CLK4: variants seen among roughly 807,000 people sequenced by gnomAD.
The protein encoded by CLK4 is CDC like kinase 4.
Under a neutral mutation model 64.4 loss-of-function variants are expected in CLK4, and 37 were observed. The ratio of observed to expected loss-of-function variants is 0.57; its 90% CI spans 0.44 to 0.76. The LOEUF (loss-of-function observed/expected upper bound fraction) is 0.76, where lower values mean the gene tolerates loss of function less well. Ranked by LOEUF, CLK4 falls within the 30% of genes least tolerant of loss-of-function variation. CLK4 has a pLI of 0.00. For synonymous variants in CLK4, 175 were observed against 191.6 expected (o/e 0.91, Z 0.72); for missense variants, 457 against 605.1 (o/e 0.76, Z 2.57).
chr5:178,626,651 TC>T (rs976572842), intron 1 of CLK4, among the ~76,000 whole-genome samples: 63 of 152,064 alleles, frequency 4.1e-4, no homozygotes, highest in African/African-American at 1.4e-3. Flanking sequence ...CTGGAAGAGG[TC>T]CCGACAGGGT....
intron 7 of CLK4, 106 bp from the exon 8 acceptor site, chr5:178,612,996 C>A: frequency 1.9e-6 from 1 of 531,826 alleles, no homozygotes; most frequent in Non-Finnish European, 3.4e-6. Context: ...GACGATTCAT[C>A]TTTACTTGTA....
At chr5:178,618,377 T>G (rs565393698) in intron 3 of CLK4, 179 bp downstream of exon 3, 1 of 234,392 alleles carries the variant, frequency 4.3e-6, no homozygotes, top group South Asian at 1.7e-4. Context: ...CTAATAAATA[T>G]ACAGATCAGC....
chr5:178,608,282 T>C, intron 10 of CLK4, 94 bp downstream of exon 10: 1 of 830,934 alleles, frequency 1.2e-6, no homozygotes. Context: ...TAATGATGTA[T>C]GGCAATTTTC....
intron 9 of CLK4, among the ~76,000 whole-genome samples, chr5:178,610,793 CG>C (rs1056789387): frequency 6.6e-6 from 1 of 151,458 alleles, no homozygotes; most frequent in African/African-American, 2.4e-5. Flanking sequence ...AATCCTTGGC[CG>C]GGCGCGGTGG....
At position 178,611,853 on chromosome 5, in the gene CLK4, GATTT is replaced by G. The variant is rs1764562279; in HGVS notation, c.1051+559_1051+562del. ...TCCCAAGCCAATCTCTGACTTCCCT[GATTT>G]ATTAACACACCTGATCTATAACTTT... On this transcript the variant is annotated intron_variant, in intron 9 of 12. Transcript: ENST00000316308. Among the ~76,000 whole-genome samples, 3 of 152,126 alleles carry G rather than the reference GATTT, an allele frequency of 2.0e-5. No homozygotes were observed. The South Asian group carries it at 6.2e-4, about 31-fold the overall frequency.
At chr5:178,626,093 T>C (rs1189335518) in intron 1 of CLK4, among the ~76,000 whole-genome samples, 2 of 152,224 alleles carry the variant, frequency 1.3e-5, no homozygotes, top group African/African-American at 4.8e-5. Context: ...CGTACATGGC[T>C]TAAAAACATC....
Position 178,605,318 on chromosome 5 carries a change from A to C in CLK4, c.1199T>G (p.Met400Arg). The change falls in exon 11 of 13, where the codon ATG (methionine) becomes AGG (arginine). Residue 400 changes from methionine (M) to arginine (R), a missense_variant. Met to Arg is a moderately conservative substitution (Grantham distance 91). Coordinates refer to ENST00000316308, the MANE Select transcript of CLK4 (RefSeq NM_020666.3). ...TAAAACATACCTTGTTTTCTGAATC[A>C]TGTGTTGTGGTATGGGTCCTAATAT... Reference protein sequence around the residue: ...ERILGPIPQHMIQKTRKRKYF... With the variant: ...ERILGPIPQHRIQKTRKRKYF... 1 of 1,584,350 alleles carries C rather than the reference A, an allele frequency of 6.3e-7. No homozygotes were observed. Among genetic ancestry groups the C allele is most frequent in the South Asian group, 1.2e-5 (1 of 85,956 alleles).
intron 9 of CLK4, among the ~76,000 whole-genome samples, chr5:178,611,514 T>C (rs1200774943): frequency 2.0e-5 from 3 of 152,226 alleles, no homozygotes; most frequent in East Asian, 1.9e-4. Flanking sequence ...GGCTACCATA[T>C]GGGACAGTGC....
At position 178,605,317 on chromosome 5, in the gene CLK4, CAT is replaced by C; in HGVS notation, c.1198_1199del (p.Met400AspfsTer13). 1 of 1,583,230 alleles carries C rather than the reference CAT, an allele frequency of 6.3e-7. No homozygotes were observed. The highest frequency in any genetic ancestry group is 1.2e-5 in the South Asian group (1 of 85,802). ...ERILGPIPQH[M>X]IQKTRKRKYF... ...TTAAAACATACCTTGTTTTCTGAAT[CAT>C]GTGTTGTGGTATGGGTCCTAATATT... On this transcript the variant is annotated frameshift_variant, in exon 11 of 13. Transcript: ENST00000316308. LOFTEE classifies it high-confidence loss of function.
At chr5:178,611,742 G>A (rs1322547316) in intron 9 of CLK4, among the ~76,000 whole-genome samples, 1 of 152,174 alleles carries the variant, frequency 6.6e-6, no homozygotes. Context: ...AACCTCAGTT[G>A]GACCTAACTT....
intron 10 of CLK4, among the ~76,000 whole-genome samples, chr5:178,607,886 T>G (rs1456677243): frequency 6.6e-6 from 1 of 152,200 alleles, no homozygotes; most frequent in Non-Finnish European, 1.5e-5. Flanking sequence ...CAATGTCTTT[T>G]GCATGACTTG....
At chr5:178,605,872 A>C (rs912928800) in intron 10 of CLK4, 4 of 152,268 alleles carry the variant, frequency 2.6e-5, no homozygotes, top group Non-Finnish European at 5.9e-5. Flanking sequence ...ACTTCTGTAA[A>C]GGGCCAGATA....
chr5:178,609,583 T>G (rs1764525223), intron 9 of CLK4, among the ~76,000 whole-genome samples: 1 of 152,032 alleles, frequency 6.6e-6, no homozygotes, highest in Admixed American at 6.6e-5. Context: ...CTTGGGAGGC[T>G]GAGGCAGGAG....
rs890844717 is a variant in CLK4, at chr5:178,608,260, T to G, written c.1134+116A>C. 1.2e-5 allele frequency: 8 copies of G among 687,206 alleles called. No individual in the cohort carries two copies. The African/African-American group carries it at 1.5e-4, about 12-fold the overall frequency. 42.6% of individuals were successfully genotyped at this position (687,206 alleles called of 1,614,324 possible). A position where few individuals can be genotyped will look rare whatever the true frequency, so the allele number is the denominator to read the frequency against. On this transcript the variant is annotated intron_variant, in intron 10 of 12. Coordinates refer to ENST00000316308, the MANE Select transcript of CLK4 (RefSeq NM_020666.3). ...AAGAATGACCATTTTGCCTAAGTTT[T>G]AATCTCAAGAATAATGATGTATGGC...
At chr5:178,605,661 T>G (rs1410760342) in intron 10 of CLK4, among the ~76,000 whole-genome samples, 1 of 152,236 alleles carries the variant, frequency 6.6e-6, no homozygotes, top group Non-Finnish European at 1.5e-5. Context: ...AATTCTGAGC[T>G]AGGTATGTGG....
chr5:178,622,426 G>A, intron 2 of CLK4: 1 of 986,802 alleles, frequency 1.0e-6, no homozygotes, highest in Non-Finnish European at 1.2e-6. Flanking sequence ...GGCTAATTTA[G>A]AAAGCAATCT....
In CLK4 at chr5:178,618,510, C is replaced by T. The variant is rs201172527; in HGVS notation, c.384+46G>A. The stretch of plus-strand genomic sequence containing the variant: ...GAAACTTATCAGCTCGTTAAGAGTA[C>T]ACACAAATAAAACTCCACTCAAATT... On this transcript the variant is annotated intron_variant, in intron 3 of 12. Coordinates refer to ENST00000316308, the MANE Select transcript of CLK4 (RefSeq NM_020666.3). 5.3e-6 allele frequency: 7 copies of T among 1,311,174 alleles called. No individual in the cohort carries two copies. The East Asian group carries it at 1.4e-4, about 26-fold the overall frequency. 81.2% of individuals were successfully genotyped at this position (1,311,174 alleles called of 1,614,324 possible). A position where few individuals can be genotyped will look rare whatever the true frequency, so the allele number is the denominator to read the frequency against.
At position 178,613,506 on chromosome 5, in the gene CLK4, G is replaced by A; in HGVS notation, c.793C>T (p.Gln265Ter). The change falls in exon 7 of 13, where the codon CAG becomes TAG. Residue 265 changes from glutamine (Q) to a stop codon, truncating the protein, a stop_gained. Transcript: ENST00000316308. LOFTEE classifies it high-confidence loss of function. ...FLPFQIDHIRQMAYQICQSIN... is the reference protein window; with the variant it reads ...FLPFQIDHIR ...GACTGGCAGATCTGATACGCCATCT[G>A]CCTGATGTGGTCAATTTGAAATGGC... 6.2e-7 allele frequency: 1 copy of A among 1,608,478 alleles called. No individual in the cohort carries two copies. The highest frequency in any genetic ancestry group is 8.5e-7 in the Non-Finnish European group (1 of 1,177,866).
intron 10 of CLK4, among the ~76,000 whole-genome samples, chr5:178,606,630 A>G (rs1562126492): frequency 6.6e-6 from 1 of 152,148 alleles, no homozygotes. Flanking sequence ...GACCCTATTT[A>G]AAGTTCTTCA....
Sources: allele counts gnomAD v4.1 joint callset (sites outside exome capture counted in the v4.1 genomes callset), GRCh38; gene constraint gnomAD v4.1.1; transcripts MANE v1.5; gene names NCBI Gene and HGNC (gene_info 2026-07-23, HGNC 2026-07-21).